Variants in FAM20A observed in about 807,000 individuals in gnomAD.
FAM20A encodes FAM20A golgi associated secretory pathway pseudokinase.
Under a neutral mutation model 52.0 loss-of-function variants are expected in FAM20A, and 42 were observed. That is an observed-to-expected ratio of 0.81 (90% confidence interval 0.63 to 1.04). The LOEUF (loss-of-function observed/expected upper bound fraction) is 1.04. FAM20A is among the 50% of genes least tolerant of loss of function. The pLI is 0.00. For missense variants in FAM20A, 742 were observed against 712.7 expected (o/e 1.04, Z -0.47); for synonymous variants, 304 against 298.9 (o/e 1.02, Z -0.18).
chr17:68,585,489 A>T (rs943562819), intron 1 of FAM20A, among the ~76,000 whole-genome samples: 17 of 151,132 alleles, frequency 1.1e-4, no homozygotes, highest in Admixed American at 9.2e-4. Context: ...TTCTTTTTTT[A>T]AATTATACTT....
chr17:68,559,716 G>A (rs374570047), intron 1 of FAM20A, among the ~76,000 whole-genome samples: 301 of 152,316 alleles, frequency 2.0e-3, no homozygotes, highest in South Asian at 9.1e-3. Context: ...CTGTCCCTGA[G>A]TTAACCCGCT....
At chr17:68,550,879 T>G (rs2086804541) in intron 4 of FAM20A, among the ~76,000 whole-genome samples, 1 of 152,220 alleles carries the variant, frequency 6.6e-6, no homozygotes, top group African/African-American at 2.4e-5. Flanking sequence ...CCAAAGCAGT[T>G]GGGACTGAAA....
intron 1 of FAM20A, among the ~76,000 whole-genome samples, chr17:68,560,143 C>G (rs1400727089): frequency 6.6e-6 from 1 of 152,168 alleles, no homozygotes; most frequent in Non-Finnish European, 1.5e-5. Context: ...CCATGTTGGC[C>G]AGATGGTCTC....
intron 1 of FAM20A, among the ~76,000 whole-genome samples, chr17:68,598,519 G>A (rs2088522563): frequency 6.6e-6 from 1 of 152,136 alleles, no homozygotes; most frequent in South Asian, 2.1e-4. Context: ...AAACTACTCT[G>A]TGATCTCTGA....
chr17:68,553,520 C>T (rs1438085205), intron 3 of FAM20A, among the ~76,000 whole-genome samples: 2 of 152,056 alleles, frequency 1.3e-5, no homozygotes, highest in African/African-American at 4.8e-5. Context: ...GCTTTAGGGT[C>T]CAGACCCACC....
intron 1 of FAM20A, among the ~76,000 whole-genome samples, chr17:68,598,435 A>G (rs115788423): frequency 1.2e-4 from 19 of 152,326 alleles, no homozygotes; most frequent in African/African-American, 4.6e-4. Context: ...TTTAACATTT[A>G]TAAGTGCAGC....
At chr17:68,575,660 TTTATATTTATATA>T (rs924337268) in intron 1 of FAM20A, among the ~76,000 whole-genome samples, 2 of 117,530 alleles carry the variant, frequency 1.7e-5, no homozygotes, top group African/African-American at 6.6e-5. Flanking sequence ...TTATATATAT[TTTATATTTATATA>T]TTATATTTTT....
At chr17:68,567,030 G>A (rs2087394814) in intron 1 of FAM20A, among the ~76,000 whole-genome samples, 1 of 151,986 alleles carries the variant, frequency 6.6e-6, no homozygotes, top group East Asian at 1.9e-4. Context: ...CTCTAGCCTT[G>A]CTTTGGATGT....
intron 4 of FAM20A, among the ~76,000 whole-genome samples, chr17:68,544,679 A>T (rs2086467084): frequency 6.6e-6 from 1 of 152,122 alleles, no homozygotes; most frequent in African/African-American, 2.4e-5. Flanking sequence ...AAAAGTAGAG[A>T]TTCTATTTTA....
intron 1 of FAM20A, among the ~76,000 whole-genome samples, chr17:68,584,849 A>G (rs2088123504): frequency 6.6e-6 from 1 of 152,306 alleles, no homozygotes; most frequent in African/African-American, 2.4e-5. Flanking sequence ...CCTGCCTTTT[A>G]ATGATTTTAT....
At chr17:68,575,619 A>T (rs1264251140) in intron 1 of FAM20A, among the ~76,000 whole-genome samples, 24 of 110,216 alleles carry the variant, frequency 2.2e-4, no homozygotes, top group African/African-American at 7.6e-4. Context: ...ATTCTATATT[A>T]TATATAAAAT....
chr17:68,597,221 C>CAA lies in FAM20A; in HGVS notation c.404+3040_404+3041dup, dbSNP rs542367925. On this transcript the variant is annotated intron_variant, in intron 1 of 10. Transcript: ENST00000592554. ...CTTATTAGTATGATGGTCAAAATTA[C>CAA]AAAAAAAAAAAAAAATCACTCAGAC... is the stretch of plus-strand genomic sequence containing the variant. Among the ~76,000 whole-genome samples, 123 of 132,390 alleles carry CAA rather than the reference C, an allele frequency of 9.3e-4. 2 individuals carry two copies. Among genetic ancestry groups the CAA allele is most frequent in the South Asian group, 1.4e-3 (6 of 4,182 alleles). The allele number at this position is 132,390 out of a possible 152,430, so 86.9% of individuals were successfully genotyped here.
At chr17:68,548,239 G>GA (rs1214017103) in intron 4 of FAM20A, among the ~76,000 whole-genome samples, 2 of 151,520 alleles carry the variant, frequency 1.3e-5, no homozygotes, top group South Asian at 2.1e-4. Flanking sequence ...ACTAAAAATA[G>GA]AAAAAATTAG....
At position 68,536,378 on chromosome 17, in the gene FAM20A, T is replaced by C. The variant is rs183590895; in HGVS notation, c.*1099A>G. ...TGTCCTTTGTGTTTTCGGTCATTAA[T>C]TATGGAATAAGAAACAAAGCCTCCT... On this transcript the variant is annotated 3_prime_UTR_variant, in exon 11 of 11. Transcript: ENST00000592554. The C allele has an allele frequency of 6.6e-6, 3 of 454,132 alleles. No individual in the cohort carries two copies. Among genetic ancestry groups the C allele is most frequent in the African/African-American group, 6.0e-5 (3 of 50,122 alleles). 28.1% of individuals were successfully genotyped at this position (454,132 alleles called of 1,614,324 possible). A position where few individuals can be genotyped will look rare whatever the true frequency, so the allele number is the denominator to read the frequency against.
At chr17:68,599,237 C>T (rs1355199333) in intron 1 of FAM20A, among the ~76,000 whole-genome samples, 1 of 152,102 alleles carries the variant, frequency 6.6e-6, no homozygotes, top group Non-Finnish European at 1.5e-5. Flanking sequence ...CATAAAACCA[C>T]CGATGACATC....
chr17:68,553,792 A>ATG (rs1600574772), intron 3 of FAM20A, among the ~76,000 whole-genome samples: 2 of 103,858 alleles, frequency 1.9e-5, no homozygotes, highest in Non-Finnish European at 4.3e-5. Flanking sequence ...ACATGTATAC[A>ATG]CATACATATA....
chr17:68,581,736 C>T (rs147162321), intron 1 of FAM20A, among the ~76,000 whole-genome samples: 2,103 of 151,740 alleles, frequency 0.014, 55 homozygotes, highest in African/African-American at 0.049. Flanking sequence ...CCACCATGCC[C>T]GGCTAATTTT....
intron 4 of FAM20A, among the ~76,000 whole-genome samples, chr17:68,547,335 ATATG>A (rs751096501): frequency 3.3e-5 from 5 of 152,328 alleles, no homozygotes; most frequent in Non-Finnish European, 5.9e-5. Context: ...GGTTTGTTAC[ATATG>A]TATACATGTG....
intron 3 of FAM20A, among the ~76,000 whole-genome samples, chr17:68,554,101 T>TATATACC: frequency 6.9e-6 from 1 of 145,924 alleles, no homozygotes; most frequent in East Asian, 2.0e-4. Context: ...TACACACATA[T>TATATACC]ATATACACAT....
Sources: allele counts gnomAD v4.1 joint callset (sites outside exome capture counted in the v4.1 genomes callset), GRCh38; gene constraint gnomAD v4.1.1; transcripts MANE v1.5; gene names NCBI Gene and HGNC (gene_info 2026-07-23, HGNC 2026-07-21).